PHF21B: variants seen among roughly 807,000 people sequenced by gnomAD.
PHF21B encodes the protein PHD finger protein 21B, also known as PHD finger protein 4.
Under a neutral mutation model 62.2 loss-of-function variants are expected in PHF21B, and 22 were observed. The observed-to-expected ratio is 0.35, with a 90% confidence interval of 0.25 to 0.51. The LOEUF (loss-of-function observed/expected upper bound fraction) is 0.51. Among genes scored for constraint, PHF21B ranks in the 20% least tolerant of loss-of-function variants. The pLI is 0.97. For missense variants in PHF21B, 701 were observed against 707.9 expected (o/e 0.99, Z 0.11); for synonymous variants, 341 against 314.7 (o/e 1.08, Z -0.88).
chr22:44,970,135 G>A lies in PHF21B; in HGVS notation c.120+38410C>T, dbSNP rs536905228. On this transcript the variant is annotated intron_variant, in intron 2 of 12. Coordinates refer to ENST00000313237, the MANE Select transcript of PHF21B (RefSeq NM_138415.5). Reference sequence around the variant, plus strand: ...CCCAAGGCCACAGAGCTGGCTTATCGGAGATGCATGGCACTCCTGCCTCGA... The same window carrying A: ...CCCAAGGCCACAGAGCTGGCTTATCAGAGATGCATGGCACTCCTGCCTCGA... Among the ~76,000 whole-genome samples the A allele has an allele frequency of 1.8e-3, 271 of 152,338 alleles. 1 individual carries two copies. Among genetic ancestry groups the A allele is most frequent in the African/African-American group, 6.1e-3 (252 of 41,576 alleles).
At chr22:44,943,356 G>A (rs1490141842) in intron 2 of PHF21B, among the ~76,000 whole-genome samples, 6 of 152,170 alleles carry the variant, frequency 3.9e-5, no homozygotes, top group African/African-American at 1.4e-4. Context: ...GCTGGCCCGG[G>A]GAGGCCAGAA....
rs148884820 is a variant in PHF21B, at chr22:44,964,349, C to T, written c.121-43859G>A. ...AGCCTCGGCCCGAGGGAGGATGGGACTTCGCGTGGTGCACCCCGGCCCCCC... is the reference window on the plus strand; with the variant it reads ...AGCCTCGGCCCGAGGGAGGATGGGATTTCGCGTGGTGCACCCCGGCCCCCC... On this transcript the variant is annotated intron_variant, in intron 2 of 12. Coordinates refer to ENST00000313237, the MANE Select transcript of PHF21B (RefSeq NM_138415.5). 1.6e-3 allele frequency among the ~76,000 whole-genome samples: 242 copies of T among 152,296 alleles called. 1 individual carries two copies. The highest frequency in any genetic ancestry group is 5.6e-3 in the African/African-American group (234 of 41,546).
At chr22:44,922,949 T>C (rs1470876110) in intron 2 of PHF21B, among the ~76,000 whole-genome samples, 1 of 152,140 alleles carries the variant, frequency 6.6e-6, no homozygotes, top group African/African-American at 2.4e-5. Flanking sequence ...CAGCTTTTTT[T>C]TAAAAAAATA....
At chr22:44,893,135 C>T (rs2070995202) in intron 7 of PHF21B, among the ~76,000 whole-genome samples, 1 of 152,118 alleles carries the variant, frequency 6.6e-6, no homozygotes, top group African/African-American at 2.4e-5. Context: ...GGTGTCCAGC[C>T]CTGCCTGTGA....
chr22:44,933,768 G>C (rs1366792655), intron 2 of PHF21B, among the ~76,000 whole-genome samples: 1 of 152,100 alleles, frequency 6.6e-6, no homozygotes, highest in East Asian at 1.9e-4. Context: ...CAGAGACAGA[G>C]AGACAGACAC....
chr22:44,895,522 C>G (rs1466304660), intron 6 of PHF21B, among the ~76,000 whole-genome samples: 2 of 152,218 alleles, frequency 1.3e-5, no homozygotes, highest in Non-Finnish European at 1.5e-5. Flanking sequence ...GTGGTCAGCT[C>G]TCCCACTGTG....
In PHF21B at chr22:44,981,868, G is replaced by C. The variant is rs548711839; in HGVS notation, c.120+26677C>G. Among the ~76,000 whole-genome samples the C allele has an allele frequency of 3.3e-5, 5 of 152,378 alleles. No individual in the cohort carries two copies. The South Asian group carries it at 1.0e-3, about 32-fold the overall frequency. ...TGACCATGAAAAGAAGGTAACAAAA[G>C]TGTATCCAGTTACTATGGCAACCCA... On this transcript the variant is annotated intron_variant, in intron 2 of 12. Coordinates refer to ENST00000313237, the MANE Select transcript of PHF21B (RefSeq NM_138415.5).
chr22:44,889,080 G>A lies in PHF21B; in HGVS notation c.1038+680C>T, dbSNP rs76006691. 2.2e-3 allele frequency among the ~76,000 whole-genome samples: 335 copies of A among 152,350 alleles called. 11 individuals carry two copies. The East Asian group carries it at 0.052, about 24-fold the overall frequency. On this transcript the variant is annotated intron_variant, in intron 9 of 12. Transcript: ENST00000313237. ...ATTGTGAAAATGACACAGCCTAACC[G>A]GAGCTGACTGCAATCATCACCTACT... is the stretch of plus-strand genomic sequence containing the variant.
chr22:44,940,701 T>C (rs1389167226), intron 2 of PHF21B, among the ~76,000 whole-genome samples: 1 of 152,196 alleles, frequency 6.6e-6, no homozygotes, highest in East Asian at 1.9e-4. Context: ...CTTCCCCACC[T>C]AGAAGGCGAA....
Position 44,916,387 on chromosome 22 carries a change from T to C in PHF21B, c.457A>G (p.Ile153Val). 1 of 1,590,456 alleles carries C rather than the reference T, an allele frequency of 6.3e-7. No individual in the cohort carries two copies. Among genetic ancestry groups the C allele is most frequent in the South Asian group, 1.1e-5 (1 of 88,814 alleles). The change falls in exon 4 of 13, where the codon ATC becomes GTC. Residue 153 changes from isoleucine (I) to valine (V), a missense_variant. Transcript: ENST00000313237. ...GCGGCATTGCTGGGGGAGGTGGAGA[T>C]GATGGCGTAGGCCACCCCCGCACTG... is the stretch of plus-strand genomic sequence containing the variant. ...LSSAGVAYAI[I>V]STSPSNAAAM...
Position 45,009,572 on chromosome 22 carries a change from T to G in PHF21B, c.-23A>C. On this transcript the variant is annotated 5_prime_UTR_variant, in exon 1 of 13. Transcript: ENST00000313237. This position sits in a 1 kb window ranked among gnomAD's most constrained non-coding sequence, Gnocchi z 5.9. ...CATCCCGGCAACTTGGGCAGCACTT[T>G]GCGCTCACTTTGGCCCGGGCTCCCG... 2.6e-6 allele frequency: 4 copies of G among 1,555,386 alleles called. No individual in the cohort carries two copies. Among genetic ancestry groups the G allele is most frequent in the Non-Finnish European group, 3.4e-6 (4 of 1,161,782 alleles).
intron 2 of PHF21B, among the ~76,000 whole-genome samples, chr22:44,972,037 C>A (rs2072648774): frequency 6.6e-6 from 1 of 152,222 alleles, no homozygotes; most frequent in Non-Finnish European, 1.5e-5. Context: ...ATACCGGCTG[C>A]ACTGAATGCT....
intron 2 of PHF21B, among the ~76,000 whole-genome samples, chr22:44,958,597 G>GGTT (rs1569254952): frequency 3.4e-5 from 2 of 58,512 alleles, no homozygotes; most frequent in Non-Finnish European, 7.0e-5. Context: ...GCCTTCCTTT[G>GGTT]ATTTTTTTTT....
intron 5 of PHF21B, among the ~76,000 whole-genome samples, chr22:44,901,259 C>T (rs555274839): frequency 1.2e-4 from 19 of 152,298 alleles, no homozygotes; most frequent in Admixed American, 7.2e-4. Flanking sequence ...TGCTGGCAGC[C>T]GTTTTACTGG....
chr22:44,977,153 A>G (rs1247273376), intron 2 of PHF21B, among the ~76,000 whole-genome samples: 1 of 152,200 alleles, frequency 6.6e-6, no homozygotes, highest in Non-Finnish European at 1.5e-5. Context: ...GAAGAAAGGA[A>G]AAAATAAAAT....
chr22:44,997,603 C>A (rs2073143833), intron 2 of PHF21B, among the ~76,000 whole-genome samples: 1 of 152,194 alleles, frequency 6.6e-6, no homozygotes, highest in South Asian at 2.1e-4. Flanking sequence ...TTGCAAGCTG[C>A]ATCTCACATT....
At position 45,009,471 on chromosome 22, in the gene PHF21B, C is replaced by T. The variant is rs2073385596; in HGVS notation, c.54+25G>A. The T allele has an allele frequency of 6.5e-7, 1 of 1,528,494 alleles. No individual in the cohort carries two copies. The highest frequency in any genetic ancestry group is 1.2e-5 in the South Asian group (1 of 83,292). 94.7% of individuals were successfully genotyped at this position (1,528,494 alleles called of 1,614,324 possible). A position where few individuals can be genotyped will look rare whatever the true frequency, so the allele number is the denominator to read the frequency against. Reference sequence around the variant, plus strand: ...TCACCCCGCAACACACTCCCCGGCCCCGGGCCCGGCCCCCGGCCACCTACC... The same window carrying T: ...TCACCCCGCAACACACTCCCCGGCCTCGGGCCCGGCCCCCGGCCACCTACC... On this transcript the variant is annotated intron_variant, in intron 1 of 12. Transcript: ENST00000313237. This position sits in a 1 kb window ranked among gnomAD's most constrained non-coding sequence, Gnocchi z 5.9.
chr22:44,899,619 TCTTCCTTCTC>T (rs2147270346), intron 5 of PHF21B, among the ~76,000 whole-genome samples: 1 of 152,122 alleles, frequency 6.6e-6, no homozygotes, highest in Non-Finnish European at 1.5e-5. Context: ...TCTCCTCTTT[TCTTCCTTCTC>T]CTTCCTTCTT....
intron 2 of PHF21B, among the ~76,000 whole-genome samples, chr22:44,938,390 T>G (rs1371267155): frequency 6.6e-6 from 1 of 152,234 alleles, no homozygotes; most frequent in African/African-American, 2.4e-5. Context: ...CCTGCCATCA[T>G]GCATGGTTGA....
Sources: gnomAD v4.1 joint callset for allele counts (sites outside exome capture counted in the v4.1 genomes callset) on GRCh38, gnomAD v4.1.1 for gene constraint, Gnocchi (gnomAD v3.1) non-coding constraint, MANE v1.5 for transcripts, NCBI Gene and HGNC (gene_info 2026-07-23, HGNC 2026-07-21) for gene names.